Variants in NRCAM observed in about 807,000 individuals in gnomAD.
NRCAM encodes NgCAM-related cell adhesion molecule.
In NRCAM, 83 loss-of-function variants were observed where a neutral mutation model predicts 156.5. The ratio of observed to expected loss-of-function variants is 0.53; its 90% CI spans 0.44 to 0.64. The LOEUF (loss-of-function observed/expected upper bound fraction) is 0.64, where lower values mean the gene tolerates loss of function less well. Ranked by LOEUF, NRCAM falls within the 30% of genes least tolerant of loss-of-function variation. The pLI, the probability that NRCAM is intolerant of heterozygous loss-of-function variation, is 0.00. For missense variants in NRCAM, 1,417 were observed against 1,597.3 expected (o/e 0.89, Z 1.92); for synonymous variants, 538 against 563.9 (o/e 0.95, Z 0.65).
chr7:108,235,515 T>C (rs769671780), intron 5 of NRCAM, among the ~76,000 whole-genome samples: 2 of 152,162 alleles, frequency 1.3e-5, no homozygotes, highest in Non-Finnish European at 2.9e-5. Flanking sequence ...ACCTGTTTTT[T>C]CTTACTCAGT....
chr7:108,414,763 G>C (rs532754675), intron 1 of NRCAM, among the ~76,000 whole-genome samples: 2 of 152,132 alleles, frequency 1.3e-5, no homozygotes, highest in Non-Finnish European at 2.9e-5. Context: ...TAGGAAGAGG[G>C]GCTTAAAAAA....
rs2094448846 is a variant in NRCAM at position 108,232,468 on chromosome 7, G to A, written c.285C>T (p.Val95=). 1 of 1,613,410 alleles carries A rather than the reference G, an allele frequency of 6.2e-7. No homozygotes were observed. The highest frequency in any genetic ancestry group is 1.3e-5 in the African/African-American group (1 of 74,982). ...THFDIDKDPL[V]TMKPGTGTLI... is the part of the protein sequence containing the mutation. ...GCGTTCCTGTGCCAGGCTTCATGGT[G>A]ACCAGAGGGTCTTTATCGATGTCAA... is the stretch of plus-strand genomic sequence containing the variant. Residue 95 remains valine, a synonymous_variant, in exon 7 of 33, where the codon GTC becomes GTT. Transcript: ENST00000379028.
intron 3 of NRCAM, among the ~76,000 whole-genome samples, chr7:108,275,399 T>C (rs1236577516): frequency 6.6e-6 from 1 of 152,178 alleles, no homozygotes; most frequent in Non-Finnish European, 1.5e-5. Flanking sequence ...CTATTAATTA[T>C]TGCCTCAATT....
chr7:108,308,554 C>A (rs939273111), intron 3 of NRCAM, among the ~76,000 whole-genome samples: 3 of 152,100 alleles, frequency 2.0e-5, no homozygotes, highest in African/African-American at 7.2e-5. Flanking sequence ...GAGGGGGGAA[C>A]ACATAAAAGT....
At chr7:108,362,052 C>T (rs2099555626) in intron 2 of NRCAM, among the ~76,000 whole-genome samples, 1 of 152,138 alleles carries the variant, frequency 6.6e-6, no homozygotes, top group African/African-American at 2.4e-5. Context: ...CTGGAAGCAA[C>T]CCAGATGTCT....
chr7:108,359,655 G>C (rs953952190), intron 2 of NRCAM, among the ~76,000 whole-genome samples: 1 of 152,152 alleles, frequency 6.6e-6, no homozygotes, highest in African/African-American at 2.4e-5. Flanking sequence ...AACAAGTTAG[G>C]GAATTTGAGC....
intron 1 of NRCAM, among the ~76,000 whole-genome samples, chr7:108,446,078 A>T (rs1019282908): frequency 1.3e-5 from 2 of 152,246 alleles, no homozygotes; most frequent in African/African-American, 4.8e-5. Context: ...GACAAGCACC[A>T]GCTTCAGACA....
chr7:108,325,674 T>C (rs2154223872), intron 2 of NRCAM, among the ~76,000 whole-genome samples: 1 of 151,398 alleles, frequency 6.6e-6, no homozygotes, highest in East Asian at 1.9e-4. Context: ...TTGATTCATC[T>C]TTTTTTTTAA....
chr7:108,253,504 G>A (rs2096478364), intron 3 of NRCAM, among the ~76,000 whole-genome samples: 1 of 152,212 alleles, frequency 6.6e-6, no homozygotes, highest in Admixed American at 6.5e-5. Context: ...GGGGATGAAG[G>A]ATACTAAGTG....
chr7:108,166,418 T>C (rs1239853347), intron 30 of NRCAM, among the ~76,000 whole-genome samples: 1 of 151,984 alleles, frequency 6.6e-6, no homozygotes, highest in Non-Finnish European at 1.5e-5. Flanking sequence ...CAGCTAATTA[T>C]TGTATTTTTA....
intron 2 of NRCAM, among the ~76,000 whole-genome samples, chr7:108,389,927 G>C (rs1360892343): frequency 6.6e-6 from 1 of 152,124 alleles, no homozygotes; most frequent in African/African-American, 2.4e-5. Context: ...TGGTGGATAA[G>C]CTTTTTGATG....
At chr7:108,203,754 C>T (rs979848349) in intron 13 of NRCAM, among the ~76,000 whole-genome samples, 1 of 152,160 alleles carries the variant, frequency 6.6e-6, no homozygotes, top group African/African-American at 2.4e-5. Flanking sequence ...CACTGCACAG[C>T]CCCTGACAAC....
chr7:108,258,547 T>C (rs762391790), intron 3 of NRCAM, among the ~76,000 whole-genome samples: 1 of 152,144 alleles, frequency 6.6e-6, no homozygotes, highest in Non-Finnish European at 1.5e-5. Context: ...GGGAAAATGA[T>C]AAAGTAAAAA....
At chr7:108,401,427 G>A (rs917229714) in intron 1 of NRCAM, among the ~76,000 whole-genome samples, 11 of 152,134 alleles carry the variant, frequency 7.2e-5, no homozygotes, top group African/African-American at 2.6e-4. Flanking sequence ...TGTGGTCCCC[G>A]CTACTCCAGA....
intron 24 of NRCAM, among the ~76,000 whole-genome samples, 168 bp downstream of exon 24, chr7:108,181,654 G>A (rs1332419445): frequency 1.3e-5 from 2 of 150,112 alleles, no homozygotes; most frequent in African/African-American, 4.9e-5. Context: ...GAGATTTCAA[G>A]TCAACTCTGG....
chr7:108,455,009 C>T (rs751493935), intron 1 of NRCAM, among the ~76,000 whole-genome samples: 2 of 152,140 alleles, frequency 1.3e-5, no homozygotes, highest in African/African-American at 4.8e-5. Flanking sequence ...GTGCCCGCGG[C>T]GCAGGGGCCA....
intron 3 of NRCAM, among the ~76,000 whole-genome samples, chr7:108,294,368 TTCC>T (rs2098410727): frequency 6.6e-6 from 1 of 152,020 alleles, no homozygotes; most frequent in Admixed American, 6.6e-5. Context: ...TTCCTTTATG[TTCC>T]TCCAACACCC....
intron 10 of NRCAM, 149 bp from the exon 11 acceptor site, chr7:108,223,985 C>T (rs1253366233): frequency 7.1e-6 from 4 of 566,574 alleles, no homozygotes; most frequent in Non-Finnish European, 1.3e-5. Flanking sequence ...TACACATACA[C>T]ACTCTCTGCG....
At chr7:108,410,249 T>C (rs1397009195) in intron 1 of NRCAM, among the ~76,000 whole-genome samples, 2 of 152,244 alleles carry the variant, frequency 1.3e-5, no homozygotes, top group Admixed American at 6.5e-5. Flanking sequence ...TTCCTTATAA[T>C]TCTAGTCACT....
Sources: allele counts gnomAD v4.1 joint callset (sites outside exome capture counted in the v4.1 genomes callset), GRCh38; gene constraint gnomAD v4.1.1; transcripts MANE v1.5; gene names NCBI Gene and HGNC (gene_info 2026-07-23, HGNC 2026-07-21).